Variants in PHF3 observed in about 807,000 individuals in gnomAD.
PHF3 encodes PHD finger protein 3.
PHF3 carries 41 observed loss-of-function variants against 178.4 expected under a neutral mutation model. The observed-to-expected ratio is 0.23, with a 90% CI of 0.18 to 0.30. The LOEUF (loss-of-function observed/expected upper bound fraction) is 0.30. Among genes scored for constraint, PHF3 ranks in the 10% least tolerant of loss-of-function variants. PHF3 has a pLI of 1.00. For synonymous variants in PHF3, 842 were observed against 800.5 expected (o/e 1.05, Z -0.88); for missense variants, 2,346 against 2,398.1 (o/e 0.98, Z 0.45).
chr6:63,703,181 C>T (rs1304041203), intron 10 of PHF3, among the ~76,000 whole-genome samples: 1 of 152,138 alleles, frequency 6.6e-6, no homozygotes, highest in African/African-American at 2.4e-5. Flanking sequence ...CCTGGCCTGA[C>T]TTAGTGAATT....
rs563689725 is a variant in PHF3, at chr6:63,691,355, G to A, written c.2190-382G>A. ...TAGCTGTAACTTTGATGGATTGTCC[G>A]TGATGAAATTATTACCAAGATCTTA... On this transcript the variant is annotated intron_variant, in intron 4 of 15. Transcript: ENST00000262043. Among the ~76,000 whole-genome samples the A allele has an allele frequency of 4.6e-5, 7 of 152,052 alleles. No individual in the cohort carries two copies. The South Asian group carries it at 6.2e-4, about 13-fold the overall frequency.
Position 63,713,844 on chromosome 6 carries a change from C to A in PHF3, c.*136C>A. On this transcript the variant is annotated 3_prime_UTR_variant, in exon 16 of 16. Transcript: ENST00000262043. ...TTGGTCATTTGCAGAACAGTAAATT[C>A]TGTGTGTTGGTACAGAGTGCTCTGT... 2.9e-6 allele frequency: 2 copies of A among 696,950 alleles called. No individual in the cohort carries two copies. The highest frequency in any genetic ancestry group is 4.1e-5 in the South Asian group (2 of 48,600). 43.2% of individuals were successfully genotyped at this position (696,950 alleles called of 1,614,324 possible).
intron 14 of PHF3, 126 bp downstream of exon 14, chr6:63,709,366 AAT>A (rs1307213774): frequency 1.5e-6 from 1 of 674,188 alleles, no homozygotes; most frequent in African/African-American, 1.8e-5. Flanking sequence ...AAGTCTATGT[AAT>A]ATACCTCACA....
intron 2 of PHF3, among the ~76,000 whole-genome samples, chr6:63,662,765 G>A (rs1017076177): frequency 2.0e-5 from 3 of 152,184 alleles, no homozygotes; most frequent in African/African-American, 4.8e-5. Flanking sequence ...TAACAAGAAC[G>A]ATAAATTGTC....
rs770487622 is a variant in PHF3, at chr6:63,685,576, T to C, written c.1854T>C (p.His618=). ...KEPHHPAQTG[H]VSHSSQKQCH... is the part of the protein sequence containing the mutation. ...CTCATCATCCTGCACAAACTGGACATGTATCACATTCTAGCCAGAAACAGT... is the reference window on the plus strand; with the variant it reads ...CTCATCATCCTGCACAAACTGGACACGTATCACATTCTAGCCAGAAACAGT... Residue 618 remains histidine, a synonymous_variant, in exon 4 of 16, where the codon CAT becomes CAC. Coordinates refer to ENST00000262043, the MANE Select transcript of PHF3 (RefSeq NM_001370348.2). 24 of 1,613,966 alleles carry C rather than the reference T, an allele frequency of 1.5e-5. 1 individual carries two copies. The South Asian group carries it at 2.5e-4, about 17-fold the overall frequency.
chr6:63,660,742 A>G (rs939721058), intron 2 of PHF3, among the ~76,000 whole-genome samples: 1 of 152,130 alleles, frequency 6.6e-6, no homozygotes, highest in Non-Finnish European at 1.5e-5. Context: ...ACCATTTCTC[A>G]GGGTCATAAT....
intron 9 of PHF3, chr6:63,702,288 T>G: frequency 3.9e-6 from 1 of 256,660 alleles, no homozygotes; most frequent in East Asian, 6.8e-5. Context: ...GAACTTCTCA[T>G]GGTTGAGGTA....
At chr6:63,700,499 C>A in intron 9 of PHF3, 33 bp downstream of exon 9, 1 of 1,158,794 alleles carries the variant, frequency 8.6e-7, no homozygotes, top group Non-Finnish European at 1.3e-6. Flanking sequence ...ATTTGACTAT[C>A]AAAATCTATG....
chr6:63,687,663 G>A (rs1209525953), intron 4 of PHF3, among the ~76,000 whole-genome samples: 3 of 152,182 alleles, frequency 2.0e-5, no homozygotes, highest in Non-Finnish European at 4.4e-5. Flanking sequence ...ATAATGTAAC[G>A]TACTAACCTT....
At chr6:63,638,541 A>AT (rs1329785325) in intron 1 of PHF3, among the ~76,000 whole-genome samples, 1 of 150,420 alleles carries the variant, frequency 6.6e-6, no homozygotes, top group Non-Finnish European at 1.5e-5. Context: ...AGATAATGAG[A>AT]TTTTTTGGTC....
Position 63,684,140 on chromosome 6 carries a change from A to C in PHF3, c.418A>C (p.Ser140Arg). The C allele has an allele frequency of 6.3e-7, 1 of 1,595,770 alleles. No individual in the cohort carries two copies. Among genetic ancestry groups the C allele is most frequent in the South Asian group, 1.1e-5 (1 of 87,336 alleles). The change falls in exon 4 of 16, where the codon AGT becomes CGT. Residue 140 changes from serine (S) to arginine (R), a missense_variant. By Grantham distance (110) the Ser-to-Arg change is moderately radical. Around this residue, in one of 8 missense-constraint regions of PHF3, gnomAD observed 843 missense variants for 795.2 expected, o/e 1.06. Transcript: ENST00000262043. ...TCCCCCTGTGATAGAACAAGTAAGA[A>C]GTTTGCGACAGAGCACTATTGCCAA... ...PRLMAQEQVR[S>R]LRQSTIAKRS... is the part of the protein sequence containing the mutation.
intron 2 of PHF3, among the ~76,000 whole-genome samples, chr6:63,674,368 A>T (rs1400681065): frequency 9.3e-6 from 1 of 108,050 alleles, no homozygotes; most frequent in African/African-American, 3.1e-5. Context: ...GTGTTTTAAA[A>T]TGTATCGTAA....
chr6:63,659,981 C>T (rs1374198831), intron 2 of PHF3, among the ~76,000 whole-genome samples: 1 of 152,008 alleles, frequency 6.6e-6, no homozygotes. Context: ...TGCTCTAAAT[C>T]GGTTCTCAGA....
intron 2 of PHF3, among the ~76,000 whole-genome samples, chr6:63,670,268 T>A (rs1354972338): frequency 6.6e-6 from 1 of 152,176 alleles, no homozygotes; most frequent in East Asian, 1.9e-4. Context: ...TTTTGTTTTT[T>A]TGTTTTTTTG....
At chr6:63,678,918 C>G (rs1324188334) in intron 2 of PHF3, 2 of 412,250 alleles carry the variant, frequency 4.9e-6, no homozygotes, top group East Asian at 1.5e-4. Context: ...TTCCTTCTAA[C>G]CCCTAGGATG....
Position 63,713,245 on chromosome 6 carries a change from A to G in PHF3, c.5657A>G (p.Gln1886Arg). The change falls in exon 16 of 16, where the codon CAG becomes CGG. Residue 1886 changes from glutamine to arginine, a missense_variant. Physicochemically the swap from Gln to Arg is conservative, Grantham distance 43. Coordinates refer to ENST00000262043, the MANE Select transcript of PHF3 (RefSeq NM_001370348.2). ...SRYIGPQNFY[Q>R]VKDIRRPERR... is the part of the protein sequence containing the mutation. ...TATATAGGCCCGCAGAATTTTTACC[A>G]GGTTAAAGACATTCGGAGGCCAGAA... 1 of 1,614,052 alleles carries G rather than the reference A, an allele frequency of 6.2e-7. No homozygotes were observed. The highest frequency in any genetic ancestry group is 1.1e-5 in the South Asian group (1 of 91,084).
Position 63,685,332 on chromosome 6 carries a change from C to A in PHF3, c.1610C>A (p.Ser537Tyr). ...SVKRNTDVPE[S>Y]QQNFHRPVKV... The stretch of plus-strand genomic sequence containing the variant: ...AAACGAAATACTGATGTACCAGAAT[C>A]TCAGCAAAATTTTCATAGGCCAGTC... Residue 537 changes from serine (S) to tyrosine (Y), a missense_variant, in exon 4 of 16, where the codon TCT becomes TAT. This residue lies in a region of PHF3 where 843 missense variants were observed against 795.2 expected (regional missense o/e 1.06). Coordinates refer to ENST00000262043, the MANE Select transcript of PHF3 (RefSeq NM_001370348.2). 1 of 1,613,960 alleles carries A rather than the reference C, an allele frequency of 6.2e-7. No individual in the cohort carries two copies. Among genetic ancestry groups the A allele is most frequent in the East Asian group, 2.2e-5 (1 of 44,868 alleles).
chr6:63,683,701 C>G (rs1182960207), intron 3 of PHF3, among the ~76,000 whole-genome samples: 1 of 151,938 alleles, frequency 6.6e-6, no homozygotes, highest in Admixed American at 6.6e-5. Context: ...TTCTTTAGCA[C>G]TGGAATATAT....
intron 4 of PHF3, among the ~76,000 whole-genome samples, chr6:63,686,623 G>GT (rs1190966525): frequency 2.6e-5 from 4 of 152,082 alleles, no homozygotes; most frequent in African/African-American, 9.7e-5. Context: ...TCCCCAATGT[G>GT]TTTTTTGTTA....
Sources: allele counts gnomAD v4.1 joint callset (sites outside exome capture counted in the v4.1 genomes callset), GRCh38; gene constraint gnomAD v4.1.1; regional missense constraint gnomAD v4.1.1; transcripts MANE v1.5; gene names NCBI Gene and HGNC (gene_info 2026-07-23, HGNC 2026-07-21).